MTBP: variants seen among roughly 807,000 people sequenced by gnomAD.
MTBP encodes the protein mdm2-binding protein.
A neutral mutation model predicts 117.0 loss-of-function variants in MTBP; 101 were observed. That is an observed-to-expected ratio of 0.86 (90% CI 0.73 to 1.02). MTBP has a LOEUF of 1.02. MTBP is among the 50% of genes least tolerant of loss of function. The pLI is 0.00. For missense variants in MTBP, 970 were observed against 1,030.9 expected (o/e 0.94, Z 0.81); for synonymous variants, 350 against 351.5 (o/e 1.00, Z 0.05).
intron 4 of MTBP, 193 bp downstream of exon 4, chr8:120,451,515 A>T (rs1308901301): frequency 4.0e-6 from 2 of 494,282 alleles, no homozygotes; most frequent in East Asian, 6.6e-5. Flanking sequence ...AAGCTTACAT[A>T]ATGTCAAGAA....
chr8:120,522,542 C>A, intron 20 of MTBP, 112 bp from the exon 21 acceptor site: 1 of 713,552 alleles, frequency 1.4e-6, no homozygotes, highest in Non-Finnish European at 2.3e-6. Context: ...TCCCTAATCA[C>A]ATTAATACGT....
intron 14 of MTBP, 148 bp from the exon 15 acceptor site, chr8:120,502,340 CAGAG>C (rs1814601770): frequency 4.5e-6 from 2 of 446,308 alleles, no homozygotes; most frequent in African/African-American, 4.0e-5. Context: ...TTTAGGCCAT[CAGAG>C]AGGTCTTTAA....
At chr8:120,494,071 A>G (rs925632977) in intron 13 of MTBP, among the ~76,000 whole-genome samples, 30 of 152,272 alleles carry the variant, frequency 2.0e-4, no homozygotes, top group African/African-American at 7.0e-4. Context: ...GGACCCTACC[A>G]ATGTCCACAT....
At chr8:120,447,878 C>A (rs375866984) in intron 2 of MTBP, among the ~76,000 whole-genome samples, 1 of 117,100 alleles carries the variant, frequency 8.5e-6, no homozygotes, top group Admixed American at 8.5e-5. Flanking sequence ...CTTTTATTGG[C>A]GAATTATCAT....
intron 12 of MTBP, 34 bp downstream of exon 12, chr8:120,488,366 A>G: frequency 6.9e-7 from 1 of 1,457,740 alleles, no homozygotes; most frequent in Non-Finnish European, 9.1e-7. Context: ...AAACATGTTT[A>G]CATTGTTTGT....
At position 120,515,907 on chromosome 8, in the gene MTBP, C is replaced by T. The variant is rs1391142946; in HGVS notation, c.1980-18C>T. On this transcript the variant is annotated intron_variant, in intron 17 of 21. Coordinates refer to ENST00000305949, the MANE Select transcript of MTBP (RefSeq NM_022045.5). ...TCTCATGGAGGTTTACATTTTAATG[C>T]TCTTTCACTCATTTTAGATATTGCT... 1 of 1,607,256 alleles carries T rather than the reference C, an allele frequency of 6.2e-7. No homozygotes were observed. Among genetic ancestry groups the T allele is most frequent in the South Asian group, 1.1e-5 (1 of 90,416 alleles).
At chr8:120,475,973 G>C (rs777939718) in intron 11 of MTBP, among the ~76,000 whole-genome samples, 1 of 151,720 alleles carries the variant, frequency 6.6e-6, no homozygotes, top group African/African-American at 2.4e-5. Context: ...TTTAATTCTC[G>C]AAACAATACT....
intron 6 of MTBP, among the ~76,000 whole-genome samples, chr8:120,456,061 T>C (rs1813462101): frequency 2.0e-5 from 3 of 152,170 alleles, no homozygotes; most frequent in African/African-American, 4.8e-5. Context: ...AATACCTTTA[T>C]GGCAAGCATA....
At chr8:120,465,655 CTTTTTTT>C (rs10663319) in intron 10 of MTBP, among the ~76,000 whole-genome samples, 4 of 101,676 alleles carry the variant, frequency 3.9e-5, no homozygotes, top group African/African-American at 1.5e-4. Context: ...CTTATAGAGA[CTTTTTTT>C]TTTTTTTTTT....
rs564867943 is a variant in MTBP at position 120,497,443 on chromosome 8, A to C, written c.1498A>C (p.Lys500Gln). The part of the protein sequence containing the change: ...QPETVSVAEL[K>Q]SLLVLTRKHF... The stretch of plus-strand genomic sequence containing the variant: ...TGAAACAGTTTCTGTTGCTGAACTC[A>C]AAAGTCTGTTAGTACTCACAAGGAA... The change falls in exon 14 of 22, where the codon AAA (lysine) becomes CAA (glutamine). Residue 500 changes from lysine to glutamine, a missense_variant. By Grantham distance (53) the Lys-to-Gln change is moderately conservative. Transcript: ENST00000305949. 3.4e-5 allele frequency: 54 copies of C among 1,608,588 alleles called. No individual in the cohort carries two copies. The South Asian group carries it at 5.4e-4, about 16-fold the overall frequency.
At chr8:120,508,774 A>G (rs547819188) in intron 16 of MTBP, among the ~76,000 whole-genome samples, 1 of 152,214 alleles carries the variant, frequency 6.6e-6, no homozygotes, top group African/African-American at 2.4e-5. Context: ...CATTTTACCT[A>G]GTAACTATTT....
rs182319626 is a variant in MTBP, at chr8:120,519,873, C to T, written c.2610+1056C>T. ...GAGATTGTCCAACTTGCTTTGCATG[C>T]TCTTCTCCCCAAATGTTCACTACAA... On this transcript the variant is annotated intron_variant, in intron 20 of 21. Transcript: ENST00000305949. 5.1e-3 allele frequency among the ~76,000 whole-genome samples: 771 copies of T among 152,252 alleles called. 10 individuals are homozygous for T. Among genetic ancestry groups the T allele is most frequent in the African/African-American group, 0.018 (730 of 41,572 alleles).
chr8:120,449,367 G>A (rs1813290398), intron 2 of MTBP, among the ~76,000 whole-genome samples: 1 of 152,146 alleles, frequency 6.6e-6, no homozygotes, highest in East Asian at 1.9e-4. Flanking sequence ...TTGCCTGTAA[G>A]ATGCAAAGTA....
rs541893226 is a variant in MTBP, at chr8:120,476,330, C to G, written c.1165+5393C>G. Among the ~76,000 whole-genome samples, 14 of 152,176 alleles carry G rather than the reference C, an allele frequency of 9.2e-5. No homozygotes were observed. The East Asian group carries it at 2.3e-3, about 25-fold the overall frequency. On this transcript the variant is annotated intron_variant, in intron 11 of 21. Coordinates refer to ENST00000305949, the MANE Select transcript of MTBP (RefSeq NM_022045.5). ...AATGGGCAAAACCTGGAAGGATTCC[C>G]TTTGAAAACTGGCACAAGACAAAGA...
At chr8:120,467,657 G>A (rs1419732718) in intron 10 of MTBP, among the ~76,000 whole-genome samples, 1 of 152,130 alleles carries the variant, frequency 6.6e-6, no homozygotes, top group Non-Finnish European at 1.5e-5. Flanking sequence ...TTTATATTCT[G>A]GAGATAGAAT....
chr8:120,501,539 ACT>A (rs1412944690), intron 14 of MTBP, among the ~76,000 whole-genome samples: 1 of 151,254 alleles, frequency 6.6e-6, no homozygotes, highest in Admixed American at 6.6e-5. Flanking sequence ...ACAGAGTGAG[ACT>A]CTTGTCTCTG....
intron 4 of MTBP, among the ~76,000 whole-genome samples, chr8:120,453,112 T>C (rs1472408780): frequency 1.3e-5 from 2 of 151,968 alleles, no homozygotes; most frequent in Non-Finnish European, 2.9e-5. Flanking sequence ...CAGAGAAAAA[T>C]CATGTCCTTT....
At chr8:120,462,014 T>G (rs556777835) in intron 9 of MTBP, among the ~76,000 whole-genome samples, 1 of 152,272 alleles carries the variant, frequency 6.6e-6, no homozygotes, top group East Asian at 1.9e-4. Context: ...TGAGAACTGT[T>G]TGTAGTCTAG....
intron 17 of MTBP, among the ~76,000 whole-genome samples, chr8:120,514,838 T>C (rs536214260): frequency 3.9e-4 from 60 of 152,170 alleles, no homozygotes; most frequent in African/African-American, 1.2e-3. Flanking sequence ...TTCAGATAAG[T>C]ACTATAATTC....
Sources: allele counts gnomAD v4.1 joint callset (sites outside exome capture counted in the v4.1 genomes callset), GRCh38; gene constraint gnomAD v4.1.1; transcripts MANE v1.5; gene names NCBI Gene and HGNC (gene_info 2026-07-23, HGNC 2026-07-21).